The following TET1 variants were observed in gnomAD, a reference collection of about 807,000 sequenced individuals.
TET1 encodes tet methylcytosine dioxygenase 1.
Under a neutral mutation model 148.7 loss-of-function variants are expected in TET1, and 13 were observed. The ratio of observed to expected loss-of-function variants is 0.09; its 90% CI spans 0.06 to 0.14. TET1 has a LOEUF of 0.14. Ranked by LOEUF, TET1 falls within the 10% of genes least tolerant of loss-of-function variation. The pLI is 1.00. For missense variants in TET1, 2,182 were observed against 2,553.8 expected (o/e 0.85, Z 3.14); for synonymous variants, 907 against 937.2 (o/e 0.97, Z 0.59).
chr10:68,647,021 C>T lies in TET1; in HGVS notation c.4276+16C>T. On this transcript the variant is annotated intron_variant, in intron 4 of 11. Transcript: ENST00000373644. ...AGCTGTCTTGGTGAGTACTTGTGTG[C>T]ATGTGTTCTTATTTCACCTGCACAA... 6.3e-7 allele frequency: 1 copy of T among 1,584,528 alleles called. No individual in the cohort carries two copies. Among genetic ancestry groups the T allele is most frequent in the South Asian group, 1.2e-5 (1 of 86,168 alleles).
chr10:68,652,373 C>T lies in TET1; in HGVS notation c.4368-128C>T, dbSNP rs540531229. ...GCAAATGTTTAACAAGAGTAAATTA[C>T]GAAGAGTGTCTAATTTTTGAACTTC... On this transcript the variant is annotated intron_variant, in intron 5 of 11. Coordinates refer to ENST00000373644, the MANE Select transcript of TET1 (RefSeq NM_030625.3). 65 of 532,786 alleles carry T rather than the reference C, an allele frequency of 1.2e-4. No homozygotes were observed. The East Asian group carries it at 1.9e-3, about 16-fold the overall frequency. The allele number at this position is 532,786 out of a possible 1,614,324, so 33.0% of individuals were successfully genotyped here.
intron 6 of TET1, among the ~76,000 whole-genome samples, chr10:68,662,627 C>T (rs1040653295): frequency 2.6e-5 from 4 of 152,086 alleles, no homozygotes; most frequent in Non-Finnish European, 4.4e-5. Flanking sequence ...CATGGCTGGG[C>T]GTGGGCCCTC....
chr10:68,656,995 C>T (rs2055032057), intron 6 of TET1, among the ~76,000 whole-genome samples: 2 of 148,778 alleles, frequency 1.3e-5, no homozygotes, highest in Admixed American at 1.3e-4. Context: ...CACGGCACTC[C>T]AGCCTGTGCA....
intron 6 of TET1, among the ~76,000 whole-genome samples, chr10:68,663,093 TCAC>T (rs774394200): frequency 2.0e-5 from 3 of 152,284 alleles, no homozygotes; most frequent in Non-Finnish European, 4.4e-5. Flanking sequence ...GCCCAAGACT[TCAC>T]CACTGCCCAA....
chr10:68,575,620 TG>T (rs1463217303), intron 2 of TET1, among the ~76,000 whole-genome samples: 2 of 151,914 alleles, frequency 1.3e-5, no homozygotes, highest in Non-Finnish European at 2.9e-5. Context: ...TAGAATCGCT[TG>T]AACCCGGGAG....
intron 4 of TET1, among the ~76,000 whole-genome samples, chr10:68,648,037 C>T (rs190562441): frequency 2.0e-5 from 3 of 152,250 alleles, no homozygotes; most frequent in Non-Finnish European, 4.4e-5. Flanking sequence ...TTTGTTTAAT[C>T]CTGATTTCCT....
At chr10:68,643,130 A>G (rs1192266176) in intron 3 of TET1, among the ~76,000 whole-genome samples, 1 of 151,656 alleles carries the variant, frequency 6.6e-6, no homozygotes, top group Admixed American at 6.6e-5. Flanking sequence ...GCATGGTGGT[A>G]TGTGCCTGTG....
At position 68,573,863 on chromosome 10, in the gene TET1, C is replaced by T. The variant is rs764639945; in HGVS notation, c.1525C>T (p.Pro509Ser). 6.2e-7 allele frequency: 1 copy of T among 1,614,000 alleles called. No individual in the cohort carries two copies. Among genetic ancestry groups the T allele is most frequent in the African/African-American group, 1.3e-5 (1 of 74,910 alleles). The change falls in exon 2 of 12, where the codon CCA becomes TCA. Residue 509 changes from proline (P) to serine (S), a missense_variant. Transcript: ENST00000373644. ...GAAGCAGGTTCATATAAGCTTCCTG[C>T]CAGCTAACACTCAGGGGTTCCCATT... The part of the protein sequence containing the change: ...NEKQVHISFL[P>S]ANTQGFPLAP...
At chr10:68,668,443 G>A (rs1473315221) in intron 7 of TET1, among the ~76,000 whole-genome samples, 1 of 152,198 alleles carries the variant, frequency 6.6e-6, no homozygotes, top group East Asian at 1.9e-4. Flanking sequence ...CTTATAATCA[G>A]TTTCTAACAG....
intron 2 of TET1, among the ~76,000 whole-genome samples, chr10:68,593,716 G>C (rs1209646775): frequency 6.6e-6 from 1 of 151,930 alleles, no homozygotes; most frequent in South Asian, 2.1e-4. Flanking sequence ...AGGTTCAAGC[G>C]ATTATCCTGC....
rs755192249 is a variant in TET1, at chr10:68,572,844, T to C, written c.506T>C (p.Ile169Thr). 3.1e-6 allele frequency: 5 copies of C among 1,614,122 alleles called. No homozygotes were observed. Among genetic ancestry groups the C allele is most frequent in the Non-Finnish European group, 3.4e-6 (4 of 1,180,022 alleles). ...CAAGACACCCAAGTCCTTCCTGATATAGAGACTCTAATTGGTGTACAAAAT... is the reference window on the plus strand; with the variant it reads ...CAAGACACCCAAGTCCTTCCTGATACAGAGACTCTAATTGGTGTACAAAAT... ...PMQDTQVLPD[I>T]ETLIGVQNPS... is the part of the protein sequence containing the mutation. The change falls in exon 2 of 12, where the codon ATA becomes ACA. Residue 169 changes from isoleucine (I) to threonine (T), a missense_variant. This residue lies in a region of TET1 where 665 missense variants were observed against 672.4 expected (regional missense o/e 0.99). Coordinates refer to ENST00000373644, the MANE Select transcript of TET1 (RefSeq NM_030625.3).
chr10:68,651,005 A>G (rs2054924159), intron 4 of TET1, among the ~76,000 whole-genome samples: 1 of 152,174 alleles, frequency 6.6e-6, no homozygotes, highest in African/African-American at 2.4e-5. Flanking sequence ...GGATGTCTAA[A>G]TGTTTTATAA....
chr10:68,674,622 T>C, intron 8 of TET1: 1 of 481,778 alleles, frequency 2.1e-6, no homozygotes, highest in African/African-American at 2.0e-5. Context: ...TTCCATGGCG[T>C]GGATCTTACC....
intron 2 of TET1, among the ~76,000 whole-genome samples, chr10:68,597,797 A>G (rs987470239): frequency 1.4e-4 from 22 of 152,252 alleles, no homozygotes; most frequent in East Asian, 1.9e-4. Context: ...ATTCTACAAC[A>G]TGGATGAACC....
intron 3 of TET1, among the ~76,000 whole-genome samples, chr10:68,624,509 G>A (rs989439574): frequency 6.6e-6 from 1 of 151,082 alleles, no homozygotes; most frequent in African/African-American, 2.4e-5. Context: ...GGCTGGTCTG[G>A]AACTCCCGAC....
intron 10 of TET1, among the ~76,000 whole-genome samples, chr10:68,683,629 G>T (rs1470293176): frequency 6.6e-6 from 1 of 152,122 alleles, no homozygotes; most frequent in Non-Finnish European, 1.5e-5. Context: ...AGCCAGGATG[G>T]TCTTGATCTC....
chr10:68,566,789 A>G (rs61869324), intron 1 of TET1, among the ~76,000 whole-genome samples: 27,091 of 151,262 alleles, frequency 0.18, 2,762 homozygotes, highest in African/African-American at 0.26. Context: ...TGGTTCCATA[A>G]TAATGATAAC....
chr10:68,642,795 G>A (rs2054778906), intron 3 of TET1, among the ~76,000 whole-genome samples: 1 of 152,056 alleles, frequency 6.6e-6, no homozygotes, highest in Non-Finnish European at 1.5e-5. Context: ...AGTAGATACG[G>A]GGTTTTGCCC....
At chr10:68,582,714 T>C (rs2053812095) in intron 2 of TET1, among the ~76,000 whole-genome samples, 2 of 152,120 alleles carry the variant, frequency 1.3e-5, no homozygotes, top group Non-Finnish European at 2.9e-5. Context: ...TTCTCAGTTT[T>C]CAAACAGCCG....
Sources: allele counts gnomAD v4.1 joint callset (sites outside exome capture counted in the v4.1 genomes callset), GRCh38; gene constraint gnomAD v4.1.1; regional missense constraint gnomAD v4.1.1; transcripts MANE v1.5; gene names NCBI Gene and HGNC (gene_info 2026-07-23, HGNC 2026-07-21).